Variants in SPAG17 observed in about 807,000 individuals in gnomAD.
The protein encoded by SPAG17 is sperm associated antigen 17, also known as sperm-associated antigen 17.
In SPAG17, 169 loss-of-function variants were observed where a neutral mutation model predicts 273.6. The ratio of observed to expected loss-of-function variants is 0.62; its 90% CI spans 0.55 to 0.70. The LOEUF (loss-of-function observed/expected upper bound fraction) is 0.70, where lower values mean the gene tolerates loss of function less well. Ranked by LOEUF, SPAG17 falls within the 30% of genes least tolerant of loss-of-function variation. SPAG17 has a pLI of 0.00. For synonymous variants in SPAG17, 825 were observed against 873.2 expected, an observed-to-expected ratio of 0.94 and a Z score of 0.97; for missense variants, 2,557 against 2,627.8, an observed-to-expected ratio of 0.97 and a Z score of 0.59.
chr1:118,047,198 CT>C (rs1650457216), intron 20 of SPAG17, among the ~76,000 whole-genome samples: 1 of 152,018 alleles, frequency 6.6e-6, no homozygotes, highest in Non-Finnish European at 1.5e-5. Flanking sequence ...TTCCTCAATT[CT>C]TTTTAAAGTC....
chr1:118,093,069 AC>A, intron 8 of SPAG17, 86 bp downstream of exon 8: 1 of 1,401,148 alleles, frequency 7.1e-7, no homozygotes, highest in South Asian at 1.4e-5. Context: ...TATTTATGTA[AC>A]TTTTTCTTCA....
intron 20 of SPAG17, among the ~76,000 whole-genome samples, chr1:118,046,143 C>T (rs1650327016): frequency 6.6e-6 from 1 of 151,982 alleles, no homozygotes; most frequent in Non-Finnish European, 1.5e-5. Flanking sequence ...TCAAGACCAG[C>T]CTGGGCAACA....
At chr1:118,115,221 T>A (rs1657002141) in intron 4 of SPAG17, 89 bp downstream of exon 4, 1 of 1,489,960 alleles carries the variant, frequency 6.7e-7, no homozygotes, top group African/African-American at 1.4e-5. Flanking sequence ...ATGGTAGGCT[T>A]AAGAAGAGAG....
In SPAG17 at chr1:118,081,139, T is replaced by C. The variant is rs1654530134; in HGVS notation, c.2171A>G (p.Glu724Gly). Residue 724 changes from glutamate to glycine, a missense_variant, in exon 15 of 49, where the codon GAG becomes GGG. By Grantham distance (98) the Glu-to-Gly change is moderately conservative (BLOSUM62 -2). Coordinates refer to ENST00000336338, the MANE Select transcript of SPAG17 (RefSeq NM_206996.4). ...VPDNRQLLEQ[E>G]SIMKAQPQHE... ...TTGGGGCTGAGCCTTCATGATGCTC[T>C]CCTGCTCTAACAGCTGTCTATTATC... The C allele has an allele frequency of 1.2e-6, 2 of 1,614,070 alleles. No homozygotes were observed. Among genetic ancestry groups the C allele is most frequent in the Non-Finnish European group, 1.7e-6 (2 of 1,179,986 alleles).
intron 6 of SPAG17, among the ~76,000 whole-genome samples, chr1:118,098,617 G>A (rs191943544): frequency 6.6e-6 from 1 of 152,114 alleles, no homozygotes; most frequent in Non-Finnish European, 1.5e-5. Flanking sequence ...GAGATCATCA[G>A]GAATAGCCTA....
intron 3 of SPAG17, among the ~76,000 whole-genome samples, chr1:118,120,130 A>G (rs2102269722): frequency 6.6e-6 from 1 of 152,248 alleles, no homozygotes; most frequent in East Asian, 1.9e-4. Context: ...CCCACTTCCC[A>G]TATAAACAAT....
At position 118,115,390 on chromosome 1, in the gene SPAG17, G is replaced by A; in HGVS notation, c.367C>T (p.Pro123Ser). The change falls in exon 4 of 49, where the codon CCA becomes TCA. Residue 123 changes from proline to serine, a missense_variant. Pro to Ser is a moderately conservative substitution (Grantham distance 74). Transcript: ENST00000336338. ...IMDSGEKLTL[P>S]LIGKLLKFQL... ...AATTTCAAGAGTTTCCCTATCAGTGGTAAGGTTAATTTCTCTCCACTATCC... is the reference window on the plus strand; with the variant it reads ...AATTTCAAGAGTTTCCCTATCAGTGATAAGGTTAATTTCTCTCCACTATCC... The A allele has an allele frequency of 6.2e-7, 1 of 1,613,446 alleles. No homozygotes were observed. The highest frequency in any genetic ancestry group is 8.5e-7 in the Non-Finnish European group (1 of 1,179,544).
Position 117,971,982 on chromosome 1 carries a change from T to G in SPAG17, c.6207A>C (p.Ala2069=). Residue 2069 remains alanine, a synonymous_variant, in exon 45 of 49, where the codon GCA becomes GCC. Coordinates refer to ENST00000336338, the MANE Select transcript of SPAG17 (RefSeq NM_206996.4). ...SSVASAAINN[A]KSSLFGFHLL... ...GATGGAACCCAAAAAGGGATGACTT[T>G]GCATTATTAATGGCAGCAGATGCAA... The G allele has an allele frequency of 6.2e-7, 1 of 1,614,122 alleles. No individual in the cohort carries two copies. Among genetic ancestry groups the G allele is most frequent in the Middle Eastern group, 1.6e-4 (1 of 6,062 alleles).
At chr1:118,151,142 G>A in intron 2 of SPAG17, 87 bp downstream of exon 2, 2 of 1,164,182 alleles carry the variant, frequency 1.7e-6, no homozygotes, top group Non-Finnish European at 2.2e-6. Flanking sequence ...AACAGCCCAA[G>A]AATATGATAG....
intron 3 of SPAG17, among the ~76,000 whole-genome samples, chr1:118,117,537 A>G (rs1657158132): frequency 6.6e-6 from 1 of 152,194 alleles, no homozygotes; most frequent in African/African-American, 2.4e-5. Context: ...CACAGCATCA[A>G]AGTAACAGTG....
chr1:118,068,653 G>A (rs554160560), intron 17 of SPAG17, among the ~76,000 whole-genome samples: 44 of 152,044 alleles, frequency 2.9e-4, no homozygotes, highest in African/African-American at 1.1e-3. Flanking sequence ...AATATTATTG[G>A]TTACGTTAGT....
At chr1:118,040,417 T>C (rs1380701457) in intron 22 of SPAG17, among the ~76,000 whole-genome samples, 1 of 152,178 alleles carries the variant, frequency 6.6e-6, no homozygotes, top group Non-Finnish European at 1.5e-5. Context: ...TGTGCTGTAA[T>C]GAATATTATT....
rs771176929 is a variant in SPAG17 at position 118,040,778 on chromosome 1, G to A, written c.3118C>T (p.Pro1040Ser). ...QISGSNYYLYPSDGGQIEVEK... is the reference protein window; with the variant it reads ...QISGSNYYLYSSDGGQIEVEK... ...ACTTCAATCTGCCCCCCATCAGAAG[G>A]ATACAGGTAGTAATTTGACCCTGAG... Residue 1040 changes from proline to serine, a missense_variant, in exon 22 of 49, where the codon CCT (proline) becomes TCT (serine). Coordinates refer to ENST00000336338, the MANE Select transcript of SPAG17 (RefSeq NM_206996.4). 6.2e-7 allele frequency: 1 copy of A among 1,607,152 alleles called. No homozygotes were observed. The highest frequency in any genetic ancestry group is 8.5e-7 in the Non-Finnish European group (1 of 1,173,626).
chr1:117,973,562 C>T lies in SPAG17; in HGVS notation c.6005-1G>A, dbSNP rs1429486415. On this transcript the variant is annotated splice_acceptor_variant, in intron 43 of 48. Transcript: ENST00000336338. LOFTEE classifies it high-confidence loss of function. ...TTCACGGGCTCATAAGATTCTGCTTCTGTTAGAGAGAAAGCTTAAATTATG... is the reference window on the plus strand; with the variant it reads ...TTCACGGGCTCATAAGATTCTGCTTTTGTTAGAGAGAAAGCTTAAATTATG... 1.9e-6 allele frequency: 3 copies of T among 1,613,150 alleles called. No homozygotes were observed. In the African/African-American group the frequency reaches 4.0e-5, roughly 22 times the overall value.
At chr1:117,959,224 T>G in intron 48 of SPAG17, 1 of 1,540,626 alleles carries the variant, frequency 6.5e-7, no homozygotes, top group African/African-American at 1.4e-5. Flanking sequence ...TTACCCTAAC[T>G]CTCATACGCT....
chr1:118,055,923 AC>A lies in SPAG17; in HGVS notation c.2541-10del. On this transcript the variant is annotated splice_polypyrimidine_tract_variant and intron_variant, in intron 18 of 48. Transcript: ENST00000336338. ...CAAGTTCCAAATAATTCCTAAACAA[AC>A]CAATAGCAGACGTCAATTGAGTTAC... is the stretch of plus-strand genomic sequence containing the variant. 8 of 1,595,830 alleles carry A rather than the reference AC, an allele frequency of 5.0e-6. No homozygotes were observed. Among genetic ancestry groups the A allele is most frequent in the Non-Finnish European group, 6.8e-6 (8 of 1,172,772 alleles).
At chr1:118,098,003 C>T (rs987075249) in intron 6 of SPAG17, 152 bp from the exon 7 acceptor site, 11 of 456,734 alleles carry the variant, frequency 2.4e-5, no homozygotes, top group Admixed American at 1.7e-4. Flanking sequence ...TTTTTGAAGT[C>T]GGAGTATACA....
At chr1:118,072,978 A>G (rs1653752665) in intron 17 of SPAG17, among the ~76,000 whole-genome samples, 1 of 150,598 alleles carries the variant, frequency 6.6e-6, no homozygotes, top group African/African-American at 2.4e-5. Context: ...TGCACTGAAG[A>G]TTTTTGCCTC....
At chr1:117,989,749 T>C (rs985705571) in intron 38 of SPAG17, among the ~76,000 whole-genome samples, 3 of 151,970 alleles carry the variant, frequency 2.0e-5, no homozygotes, top group African/African-American at 7.3e-5. Flanking sequence ...CTAATTTTTT[T>C]TTGTATTTTC....
Sources: allele counts gnomAD v4.1 joint callset (sites outside exome capture counted in the v4.1 genomes callset), GRCh38; gene constraint gnomAD v4.1.1; transcripts MANE v1.5; gene names NCBI Gene and HGNC (gene_info 2026-07-23, HGNC 2026-07-21).